The following C2CD3 variants were observed in gnomAD, a reference collection of about 807,000 sequenced individuals.
C2CD3 encodes C2 domain containing 3 centriole elongation regulator, also known as C2 domain-containing protein 3.
Under a neutral mutation model 234.0 loss-of-function variants are expected in C2CD3, and 148 were observed. The observed-to-expected ratio is 0.63, with a 90% CI of 0.55 to 0.72. The LOEUF (loss-of-function observed/expected upper bound fraction) is 0.72, where lower values mean the gene tolerates loss of function less well. Ranked by LOEUF, C2CD3 falls within the 30% of genes least tolerant of loss-of-function variation. The pLI is 0.00. For missense variants in C2CD3, 2,577 were observed against 2,811.5 expected (o/e 0.92, Z 1.89); for synonymous variants, 1,000 against 1,035.4 (o/e 0.97, Z 0.66).
intron 9 of C2CD3, among the ~76,000 whole-genome samples, chr11:74,116,901 C>A (rs113846971): frequency 1.8e-5 from 2 of 110,410 alleles, no homozygotes; most frequent in African/African-American, 3.5e-5. Context: ...TATATATACA[C>A]ACGTGTATGT....
At chr11:74,086,304 G>A (rs930462046) in intron 20 of C2CD3, among the ~76,000 whole-genome samples, 1 of 152,238 alleles carries the variant, frequency 6.6e-6, no homozygotes, top group Non-Finnish European at 1.5e-5. Context: ...GCTGACTTGA[G>A]TGAGGGCTTA....
intron 3 of C2CD3, among the ~76,000 whole-genome samples, chr11:74,154,323 G>GA (rs1565351808): frequency 6.6e-6 from 1 of 151,924 alleles, no homozygotes; most frequent in African/African-American, 2.4e-5. Flanking sequence ...AATAAAAGAA[G>GA]AAAAAAATTA....
At chr11:74,053,375 G>A (rs894283185) in intron 26 of C2CD3, among the ~76,000 whole-genome samples, 2 of 152,118 alleles carry the variant, frequency 1.3e-5, no homozygotes, top group Non-Finnish European at 1.5e-5. Flanking sequence ...ACTATTATTA[G>A]CCTCAATTTT....
At chr11:74,066,409 A>C (rs1316965634) in intron 24 of C2CD3, among the ~76,000 whole-genome samples, 7 of 151,576 alleles carry the variant, frequency 4.6e-5, no homozygotes, top group Non-Finnish European at 8.8e-5. Flanking sequence ...CATGTACCCT[A>C]GAACTTAAAG....
chr11:74,102,171 A>G (rs547123785), intron 14 of C2CD3, among the ~76,000 whole-genome samples: 1 of 152,374 alleles, frequency 6.6e-6, no homozygotes, highest in East Asian at 1.9e-4. Context: ...GTCAAGGACA[A>G]ATAACAGGTT....
intron 24 of C2CD3, among the ~76,000 whole-genome samples, chr11:74,068,884 C>A (rs1050804374): frequency 6.6e-6 from 1 of 152,236 alleles, no homozygotes; most frequent in Non-Finnish European, 1.5e-5. Flanking sequence ...CGGCTCACTG[C>A]AACCTCCACC....
intron 3 of C2CD3, among the ~76,000 whole-genome samples, chr11:74,152,975 C>T (rs1224313268): frequency 6.6e-6 from 1 of 152,106 alleles, no homozygotes; most frequent in African/African-American, 2.4e-5. Flanking sequence ...CCTCTAATTC[C>T]AGCACTTTGA....
intron 32 of C2CD3, among the ~76,000 whole-genome samples, chr11:74,027,987 C>T (rs1039812506): frequency 6.6e-6 from 1 of 152,162 alleles, no homozygotes; most frequent in Non-Finnish European, 1.5e-5. Context: ...TGGGGACTCC[C>T]ACAGCACTCA....
At chr11:74,151,369 G>C (rs188577639) in intron 3 of C2CD3, among the ~76,000 whole-genome samples, 55 of 151,860 alleles carry the variant, frequency 3.6e-4, no homozygotes, top group African/African-American at 1.3e-3. Flanking sequence ...CCAGGCTGGA[G>C]TGCAGTGGCA....
At chr11:74,167,258 T>C (rs905693045) in intron 2 of C2CD3, among the ~76,000 whole-genome samples, 7 of 152,224 alleles carry the variant, frequency 4.6e-5, no homozygotes, top group African/African-American at 1.7e-4. Context: ...GAATTTCTAA[T>C]CACTCCTCAT....
chr11:74,145,263 GACTGGTGTAAGCCATTCTC>G (rs1438305517), intron 3 of C2CD3, among the ~76,000 whole-genome samples: 1 of 152,092 alleles, frequency 6.6e-6, no homozygotes, highest in African/African-American at 2.4e-5. Flanking sequence ...TAGCCATTCT[GACTGGTGTAAGCCATTCTC>G]ACTGTGGTTT....
chr11:74,037,340 A>T, intron 30 of C2CD3, 138 bp downstream of exon 30: 2 of 712,256 alleles, frequency 2.8e-6, no homozygotes, highest in African/African-American at 1.8e-5. Flanking sequence ...GATGGTTAAA[A>T]AAAAAAAAAA....
chr11:74,067,048 A>G (rs1954575682), intron 24 of C2CD3, among the ~76,000 whole-genome samples: 1 of 152,208 alleles, frequency 6.6e-6, no homozygotes, highest in South Asian at 2.1e-4. Context: ...TAAATGAAAA[A>G]CAGCATTTCT....
chr11:74,166,702 T>C (rs1158585883), intron 2 of C2CD3, among the ~76,000 whole-genome samples: 1 of 152,224 alleles, frequency 6.6e-6, no homozygotes, highest in African/African-American at 2.4e-5. Context: ...TGTATGTCAG[T>C]TTTGTTTTCA....
intron 26 of C2CD3, among the ~76,000 whole-genome samples, chr11:74,054,328 G>A (rs139600612): frequency 1.1e-4 from 16 of 150,240 alleles, no homozygotes; most frequent in African/African-American, 2.0e-4. Context: ...TGCGGTCCCC[G>A]CTACTCAGGA....
chr11:74,048,901 A>G (rs1478476702), intron 27 of C2CD3, among the ~76,000 whole-genome samples: 1 of 151,166 alleles, frequency 6.6e-6, no homozygotes, highest in African/African-American at 2.4e-5. Flanking sequence ...TCTTTCTTTT[A>G]CAGTTAAACT....
At chr11:74,060,370 T>C (rs1366073208) in intron 24 of C2CD3, among the ~76,000 whole-genome samples, 1 of 152,140 alleles carries the variant, frequency 6.6e-6, no homozygotes, top group Non-Finnish European at 1.5e-5. Flanking sequence ...CACCTCCCAG[T>C]AGGGGCTGAC....
chr11:74,037,495 A>G lies in C2CD3; in HGVS notation c.5864T>C (p.Val1955Ala), dbSNP rs1365676217. 6 of 1,613,812 alleles carry G rather than the reference A, an allele frequency of 3.7e-6. No homozygotes were observed. The Admixed American group carries it at 1.0e-4, about 27-fold the overall frequency. Residue 1955 changes from valine to alanine, a missense_variant, in exon 30 of 33, where the codon GTC becomes GCC. By Grantham distance (64) the Val-to-Ala change is moderately conservative (BLOSUM62 0). Transcript: ENST00000334126. ...LEKSSNLVLQVSSLITDLQTI... is the reference protein window; with the variant it reads ...LEKSSNLVLQASSLITDLQTI... ...AGTCATACCTGTGATTAAGGAGCTG[A>G]CTTGCAACACCAGGTTACTGGATTT...
intron 13 of C2CD3, 115 bp downstream of exon 13, chr11:74,106,256 G>C: frequency 1.1e-6 from 1 of 947,278 alleles, no homozygotes; most frequent in East Asian, 2.5e-5. Flanking sequence ...TATTTCAAGA[G>C]ATGCTACACA....
Sources: gnomAD v4.1 joint callset for allele counts (sites outside exome capture counted in the v4.1 genomes callset) on GRCh38, gnomAD v4.1.1 for gene constraint, MANE v1.5 for transcripts, NCBI Gene and HGNC (gene_info 2026-07-23, HGNC 2026-07-21) for gene names.